The following MPPED1 variants were observed in gnomAD, a reference collection of about 807,000 sequenced individuals.
MPPED1 encodes metallophosphoesterase domain containing 1.
Under a neutral mutation model 36.2 loss-of-function variants are expected in MPPED1, and 16 were observed. The ratio of observed to expected loss-of-function variants is 0.44; its 90% CI spans 0.30 to 0.67. MPPED1 has a LOEUF of 0.67. Among genes scored for constraint, MPPED1 ranks in the 30% least tolerant of loss-of-function variants. The pLI is 0.10. For missense variants in MPPED1, 307 were observed against 453.4 expected, an observed-to-expected ratio of 0.68 and a Z score of 2.93; for synonymous variants, 199 against 191.3, an observed-to-expected ratio of 1.04 and a Z score of -0.33.
intron 3 of MPPED1, among the ~76,000 whole-genome samples, chr22:43,442,415 G>A (rs555608455): frequency 3.5e-4 from 53 of 152,038 alleles, no homozygotes; most frequent in Admixed American, 1.6e-3. Context: ...ATCCTGCCCC[G>A]TGGCTGCCCC....
At chr22:43,445,467 C>T (rs1267129678) in intron 3 of MPPED1, among the ~76,000 whole-genome samples, 1 of 151,826 alleles carries the variant, frequency 6.6e-6, no homozygotes, top group African/African-American at 2.4e-5. Flanking sequence ...AATTAATCAA[C>T]ATCTCCATTC....
At chr22:43,456,231 G>A (rs988032567) in intron 3 of MPPED1, among the ~76,000 whole-genome samples, 4 of 152,228 alleles carry the variant, frequency 2.6e-5, no homozygotes, top group African/African-American at 9.6e-5. Context: ...AATCTTAGGA[G>A]GAAGACTTTT....
At chr22:43,413,757 C>A (rs1027033211) in intron 1 of MPPED1, among the ~76,000 whole-genome samples, 1 of 152,168 alleles carries the variant, frequency 6.6e-6, no homozygotes, top group African/African-American at 2.4e-5. Flanking sequence ...TGGAATGGTT[C>A]CATCGATTCT....
chr22:43,437,685 G>A (rs578117382), intron 3 of MPPED1, among the ~76,000 whole-genome samples: 6 of 152,300 alleles, frequency 3.9e-5, no homozygotes, highest in African/African-American at 1.4e-4. Context: ...AAAAGGGGGC[G>A]GTTAGGCTCC....
intron 3 of MPPED1, among the ~76,000 whole-genome samples, chr22:43,451,163 C>T (rs926503556): frequency 1.3e-5 from 2 of 151,998 alleles, no homozygotes; most frequent in African/African-American, 2.4e-5. Flanking sequence ...TGCGCCACCA[C>T]ACCCAGTTAA....
At chr22:43,501,090 A>C (rs1447994479) in intron 5 of MPPED1, among the ~76,000 whole-genome samples, 1 of 152,156 alleles carries the variant, frequency 6.6e-6, no homozygotes, top group African/African-American at 2.4e-5. Context: ...AGTCCAGGAA[A>C]GGAAGATTTT....
intron 3 of MPPED1, among the ~76,000 whole-genome samples, chr22:43,437,966 A>G (rs1197607519): frequency 6.6e-6 from 1 of 151,732 alleles, no homozygotes; most frequent in Non-Finnish European, 1.5e-5. Flanking sequence ...AGTCTCAGCT[A>G]GCAACCGCCC....
intron 3 of MPPED1, among the ~76,000 whole-genome samples, chr22:43,437,066 A>G (rs1929986747): frequency 6.6e-6 from 1 of 152,192 alleles, no homozygotes; most frequent in East Asian, 1.9e-4. Context: ...TCACTCAAGG[A>G]GGAATGGGCT....
At chr22:43,498,574 C>T (rs1339731382) in intron 5 of MPPED1, among the ~76,000 whole-genome samples, 2 of 152,106 alleles carry the variant, frequency 1.3e-5, no homozygotes, top group African/African-American at 4.8e-5. Context: ...CACAACAGCA[C>T]AGGAGGCCAG....
intron 4 of MPPED1, among the ~76,000 whole-genome samples, chr22:43,495,480 TGGTGGTGGA>T (rs1280072340): frequency 1.6e-4 from 8 of 48,702 alleles, no homozygotes; most frequent in African/African-American, 8.9e-4. Flanking sequence ...ATGGTGGAGG[TGGTGGTGGA>T]GGTAGTGGTG....
intron 3 of MPPED1, among the ~76,000 whole-genome samples, chr22:43,439,453 A>C (rs1243311298): frequency 6.6e-6 from 1 of 152,252 alleles, no homozygotes; most frequent in Non-Finnish European, 1.5e-5. Context: ...AGCCACAGGG[A>C]GCTCACAGCC....
chr22:43,471,418 C>G (rs942631325), intron 3 of MPPED1, among the ~76,000 whole-genome samples: 1 of 152,176 alleles, frequency 6.6e-6, no homozygotes, highest in African/African-American at 2.4e-5. Flanking sequence ...TCTGAGGTGC[C>G]CGTCTAGAGG....
At chr22:43,495,710 G>C (rs1284157560) in intron 4 of MPPED1, among the ~76,000 whole-genome samples, 1 of 54,854 alleles carries the variant, frequency 1.8e-5, no homozygotes. Flanking sequence ...GGTGATGGAG[G>C]TGGTGGTGGT....
Position 43,434,570 on chromosome 22 carries a change from G to A in MPPED1, c.225-464G>A, listed in dbSNP as rs115787812. Among the ~76,000 whole-genome samples, 1,278 of 152,282 alleles carry A rather than the reference G, an allele frequency of 8.4e-3. 21 individuals carry two copies. The highest frequency in any genetic ancestry group is 0.028 in the African/African-American group (1,181 of 41,550). On this transcript the variant is annotated intron_variant, in intron 2 of 6. Transcript: ENST00000443721. ...TGTCTAAAGCAGAGGTGGATGTGAG[G>A]TACCTAAACACACGTACGGCACCGC...
intron 3 of MPPED1, among the ~76,000 whole-genome samples, chr22:43,457,015 T>A (rs1007899205): frequency 5.9e-5 from 9 of 152,214 alleles, no homozygotes; most frequent in African/African-American, 1.9e-4. Flanking sequence ...TGATTTGACT[T>A]GCTAGTATTT....
intron 3 of MPPED1, among the ~76,000 whole-genome samples, chr22:43,447,847 T>C (rs1930401107): frequency 9.1e-6 from 1 of 110,472 alleles, no homozygotes. Context: ...AAATATTTTA[T>C]ATATGTAAAT....
chr22:43,422,946 C>T (rs1471964923), intron 1 of MPPED1, among the ~76,000 whole-genome samples: 1 of 152,184 alleles, frequency 6.6e-6, no homozygotes, highest in Non-Finnish European at 1.5e-5. Flanking sequence ...AAGCAATTCT[C>T]CTGCCTCACC....
chr22:43,489,519 T>C (rs28711734), intron 4 of MPPED1, among the ~76,000 whole-genome samples: 100,015 of 151,130 alleles, frequency 0.66, 34,872 homozygotes, highest in African/African-American at 0.9. Context: ...TCCTGTCCCC[T>C]GACATTTTTT....
chr22:43,484,454 G>T (rs1471014327), intron 4 of MPPED1, among the ~76,000 whole-genome samples: 2 of 152,216 alleles, frequency 1.3e-5, no homozygotes, highest in Non-Finnish European at 2.9e-5. Context: ...GGCAGCTGTT[G>T]CCTGGCTTCC....
Sources: allele counts gnomAD v4.1 joint callset (sites outside exome capture counted in the v4.1 genomes callset), GRCh38; gene constraint gnomAD v4.1.1; transcripts MANE v1.5; gene names NCBI Gene and HGNC (gene_info 2026-07-23, HGNC 2026-07-21).